Variants in FGF12 observed in about 807,000 individuals in gnomAD.
The protein encoded by FGF12 is fibroblast growth factor 12.
Under a neutral mutation model 23.6 loss-of-function variants are expected in FGF12, and 14 were observed. That is an observed-to-expected ratio of 0.59 (90% confidence interval 0.39 to 0.93). The LOEUF is 0.93. Ranked by LOEUF, FGF12 falls within the 40% of genes least tolerant of loss-of-function variation. The pLI is 0.00. For synonymous variants in FGF12, 62 were observed against 77.3 expected (o/e 0.80, Z 1.04); for missense variants, 175 against 217.8 (o/e 0.80, Z 1.24).
At chr3:192,290,585 A>G (rs1209223861) in intron 4 of FGF12, among the ~76,000 whole-genome samples, 1 of 152,192 alleles carries the variant, frequency 6.6e-6, no homozygotes, top group Non-Finnish European at 1.5e-5. Context: ...CGAAACACCT[A>G]GCATGCTACC....
chr3:192,646,350 G>A lies in FGF12; in HGVS notation c.13+80831C>T, dbSNP rs6762846. On this transcript the variant is annotated intron_variant, in intron 2 of 5. Transcript: ENST00000445105. ...CCAGCACAGTATGGTATCTACTAAT[G>A]AGCCCCTTTCTCCCAATTAATATAA... is the stretch of plus-strand genomic sequence containing the variant. Among the ~76,000 whole-genome samples the A allele has an allele frequency of 4.2e-3, 641 of 152,050 alleles. 7 individuals are homozygous for A. Among genetic ancestry groups the A allele is most frequent in the African/African-American group, 0.015 (613 of 41,516 alleles).
At chr3:192,306,701 G>A (rs1156864900) in intron 4 of FGF12, among the ~76,000 whole-genome samples, 1 of 152,186 alleles carries the variant, frequency 6.6e-6, no homozygotes, top group Non-Finnish European at 1.5e-5. Flanking sequence ...ACAATGGTTT[G>A]TCATCAAGGG....
At chr3:192,727,369 A>C in intron 1 of FGF12, 46 bp from the exon 2 acceptor site, 1 of 1,513,392 alleles carries the variant, frequency 6.6e-7, no homozygotes, top group Non-Finnish European at 8.8e-7. Flanking sequence ...ATCAGCCACC[A>C]AAGGACACTT....
intron 2 of FGF12, among the ~76,000 whole-genome samples, chr3:192,502,767 T>A (rs747566470): frequency 7.9e-5 from 12 of 152,184 alleles, no homozygotes; most frequent in Non-Finnish European, 1.5e-4. Context: ...CTCTATGGAA[T>A]TGGGAGTAGC....
chr3:192,664,471 G>C (rs1040088380), intron 2 of FGF12, among the ~76,000 whole-genome samples: 3 of 151,810 alleles, frequency 2.0e-5, no homozygotes, highest in Non-Finnish European at 4.4e-5. Context: ...ACCAAAGGCG[G>C]GGCACGGTGG....
intron 2 of FGF12, among the ~76,000 whole-genome samples, chr3:192,422,855 G>A (rs924609129): frequency 6.6e-6 from 1 of 152,134 alleles, no homozygotes; most frequent in African/African-American, 2.4e-5. Flanking sequence ...AGTAGGAGAG[G>A]AAGGGTGCTA....
chr3:192,601,036 T>C (rs896251850), intron 2 of FGF12, among the ~76,000 whole-genome samples: 2 of 152,100 alleles, frequency 1.3e-5, no homozygotes, highest in Non-Finnish European at 1.5e-5. Context: ...AGCCAAAATA[T>C]GGAGTCAATC....
intron 2 of FGF12, among the ~76,000 whole-genome samples, chr3:192,630,893 C>CT (rs1342593642): frequency 2.0e-5 from 3 of 151,932 alleles, no homozygotes; most frequent in African/African-American, 7.3e-5. Flanking sequence ...ATATTATGGC[C>CT]TAGTCTGGTT....
At chr3:192,661,531 A>G (rs1162401865) in intron 2 of FGF12, among the ~76,000 whole-genome samples, 2 of 152,186 alleles carry the variant, frequency 1.3e-5, no homozygotes, top group Admixed American at 1.3e-4. Flanking sequence ...TCTCAGTAAA[A>G]ATTAAATCAT....
At chr3:192,493,343 G>A (rs1385953317) in intron 2 of FGF12, among the ~76,000 whole-genome samples, 1 of 152,164 alleles carries the variant, frequency 6.6e-6, no homozygotes, top group African/African-American at 2.4e-5. Flanking sequence ...TGTTAAGTAT[G>A]TCAAATGGAC....
At chr3:192,347,307 G>A (rs1263274348) in intron 3 of FGF12, among the ~76,000 whole-genome samples, 1 of 152,158 alleles carries the variant, frequency 6.6e-6, no homozygotes, top group Non-Finnish European at 1.5e-5. Flanking sequence ...ATCATCTGGA[G>A]CTTGTTGGAA....
At chr3:192,179,483 TA>T (rs1716046600) in intron 4 of FGF12, among the ~76,000 whole-genome samples, 1 of 152,174 alleles carries the variant, frequency 6.6e-6, no homozygotes, top group Admixed American at 6.5e-5. Flanking sequence ...GCAAGTTACT[TA>T]ATTTCTCTGA....
intron 2 of FGF12, among the ~76,000 whole-genome samples, chr3:192,651,202 A>G (rs1325062115): frequency 1.3e-5 from 2 of 152,214 alleles, no homozygotes; most frequent in African/African-American, 4.8e-5. Context: ...GAGCAAACAG[A>G]ACATTGACCT....
intron 4 of FGF12, among the ~76,000 whole-genome samples, chr3:192,216,185 C>T (rs9817041): frequency 0.33 from 49,916 of 152,012 alleles, 9,370 homozygotes; most frequent in East Asian, 0.89. Flanking sequence ...CCATCTCCTC[C>T]CATTTACATT....
At chr3:192,612,529 C>CA (rs770478684) in intron 2 of FGF12, among the ~76,000 whole-genome samples, 3 of 151,790 alleles carry the variant, frequency 2.0e-5, no homozygotes, top group Non-Finnish European at 4.4e-5. Flanking sequence ...TGATTAAATA[C>CA]ATTATGATAA....
At chr3:192,414,794 T>C (rs1275398708) in intron 2 of FGF12, among the ~76,000 whole-genome samples, 3 of 152,176 alleles carry the variant, frequency 2.0e-5, no homozygotes, top group Admixed American at 6.5e-5. Flanking sequence ...CACTAGCTTC[T>C]AACATGGTTT....
chr3:192,418,843 G>A (rs775416595), intron 2 of FGF12, among the ~76,000 whole-genome samples: 6 of 152,122 alleles, frequency 3.9e-5, no homozygotes, highest in Non-Finnish European at 8.8e-5. Flanking sequence ...CTGCAGAACC[G>A]TGAGCCAATT....
chr3:192,433,717 T>G (rs1721931723), intron 2 of FGF12, among the ~76,000 whole-genome samples: 1 of 152,230 alleles, frequency 6.6e-6, no homozygotes, highest in African/African-American at 2.4e-5. Context: ...AAATTTGATT[T>G]TAAAACAAAC....
intron 2 of FGF12, among the ~76,000 whole-genome samples, chr3:192,655,996 C>G (rs936441715): frequency 3.0e-5 from 4 of 132,876 alleles, no homozygotes; most frequent in Non-Finnish European, 6.2e-5. Flanking sequence ...AGAAAAGAAA[C>G]GTTACATGCC....
Sources: allele counts gnomAD v4.1 joint callset (sites outside exome capture counted in the v4.1 genomes callset), GRCh38; gene constraint gnomAD v4.1.1; transcripts MANE v1.5; gene names NCBI Gene and HGNC (gene_info 2026-07-23, HGNC 2026-07-21).